Variants in UVRAG observed in about 807,000 individuals in gnomAD.
The protein encoded by UVRAG is UV radiation resistance associated, also known as UV radiation resistance-associated gene protein.
A neutral mutation model predicts 78.0 loss-of-function variants in UVRAG; 19 were observed. The ratio of observed to expected loss-of-function variants is 0.24; its 90% confidence interval spans 0.17 to 0.36. The LOEUF (loss-of-function observed/expected upper bound fraction) is 0.36, where lower values mean the gene tolerates loss of function less well. UVRAG is among the 10% of genes least tolerant of loss of function. The probability of loss-of-function intolerance (pLI) is 1.00; values close to 1 mark genes in which losing one functional copy is unlikely to be tolerated. For missense variants in UVRAG, 740 were observed against 853.8 expected (o/e 0.87, Z 1.66); for synonymous variants, 323 against 324.6 (o/e 1.00, Z 0.05).
chr11:76,140,734 C>CA lies in UVRAG; in HGVS notation c.1423dup (p.Ile475AsnfsTer5). The CA allele has an allele frequency of 6.3e-7, 1 of 1,599,462 alleles. No homozygotes were observed. Among genetic ancestry groups the CA allele is most frequent in the Non-Finnish European group, 8.5e-7 (1 of 1,174,348 alleles). On this transcript the variant is annotated frameshift_variant, in exon 15 of 15. Coordinates refer to ENST00000356136, the MANE Select transcript of UVRAG (RefSeq NM_003369.4). LOFTEE classifies it high-confidence loss of function. Reference sequence around the variant, plus strand: ...AGTGACAGACATCACACCTCCAGTGCAATCCCTGTTCCTAAGAGACAAAGC... The same window carrying CA: ...AGTGACAGACATCACACCTCCAGTGCAAATCCCTGTTCCTAAGAGACAAAGC...
chr11:75,914,515 A>G (rs1241953763), intron 6 of UVRAG: 1 of 151,956 alleles, frequency 6.6e-6, no homozygotes. Context: ...TTTTTTTGAG[A>G]CAGAGTTTCG....
At chr11:76,098,433 C>T (rs1951824214) in intron 13 of UVRAG, among the ~76,000 whole-genome samples, 1 of 152,132 alleles carries the variant, frequency 6.6e-6, no homozygotes, top group South Asian at 2.1e-4. Context: ...AACTCGCAAA[C>T]CTAGATGCCA....
chr11:76,133,459 G>A (rs1952546995), intron 14 of UVRAG, among the ~76,000 whole-genome samples: 2 of 152,300 alleles, frequency 1.3e-5, no homozygotes, highest in Non-Finnish European at 2.9e-5. Context: ...GCTTCAGGCA[G>A]TAAAACCAAG....
At chr11:76,080,891 G>T (rs1360261281) in intron 13 of UVRAG, among the ~76,000 whole-genome samples, 1 of 152,200 alleles carries the variant, frequency 6.6e-6, no homozygotes, top group African/African-American at 2.4e-5. Flanking sequence ...TTCACTTCCT[G>T]ATCAGTGTTG....
chr11:75,821,550 T>C (rs185050172), intron 1 of UVRAG, among the ~76,000 whole-genome samples: 27 of 152,254 alleles, frequency 1.8e-4, no homozygotes, highest in Non-Finnish European at 3.4e-4. Context: ...CTCACTCTGG[T>C]CTCAAACTCT....
intron 12 of UVRAG, among the ~76,000 whole-genome samples, chr11:76,034,408 G>A (rs1347876313): frequency 1.3e-5 from 2 of 151,962 alleles, no homozygotes; most frequent in Non-Finnish European, 2.9e-5. Context: ...TGTGTTGCCC[G>A]GGCTGGTCCT....
intron 8 of UVRAG, among the ~76,000 whole-genome samples, chr11:75,986,288 A>AT (rs1949500029): frequency 6.6e-6 from 1 of 152,172 alleles, no homozygotes; most frequent in East Asian, 1.9e-4. Flanking sequence ...ATTTATTTCT[A>AT]TTTTTTGTTG....
chr11:75,959,450 T>C (rs1159798095), intron 6 of UVRAG, among the ~76,000 whole-genome samples: 1 of 152,192 alleles, frequency 6.6e-6, no homozygotes, highest in Non-Finnish European at 1.5e-5. Flanking sequence ...TAAACCAATC[T>C]CTGCTGTCTT....
intron 8 of UVRAG, among the ~76,000 whole-genome samples, chr11:76,001,412 TTAAC>T (rs1482052570): frequency 1.3e-5 from 2 of 151,928 alleles, no homozygotes; most frequent in African/African-American, 4.8e-5. Flanking sequence ...GAGGAGCAAA[TTAAC>T]TAAACCCAAG....
intron 7 of UVRAG, among the ~76,000 whole-genome samples, chr11:75,964,881 G>T (rs531073596): frequency 5.3e-5 from 8 of 152,162 alleles, no homozygotes; most frequent in Admixed American, 5.2e-4. Context: ...CCATTTAATT[G>T]CCTTGACATG....
intron 12 of UVRAG, among the ~76,000 whole-genome samples, chr11:76,034,958 CT>C (rs1001237013): frequency 6.6e-6 from 1 of 152,022 alleles, no homozygotes; most frequent in South Asian, 2.1e-4. Context: ...GCAACGGAAA[CT>C]TTTTATTATT....
Position 76,143,527 on chromosome 11 carries a change from C to T in UVRAG, c.*2114C>T, listed in dbSNP as rs1952759068. On this transcript the variant is annotated 3_prime_UTR_variant, in exon 15 of 15. Coordinates refer to ENST00000356136, the MANE Select transcript of UVRAG (RefSeq NM_003369.4). ...TGCTCTTGAATGTCATCGGGCTGCTCAGAGCTGATTGCTAGGTGCCTACAC... is the reference window on the plus strand; with the variant it reads ...TGCTCTTGAATGTCATCGGGCTGCTTAGAGCTGATTGCTAGGTGCCTACAC... Among the ~76,000 whole-genome samples, 1 of 152,234 alleles carries T rather than the reference C, an allele frequency of 6.6e-6. No individual in the cohort carries two copies. The highest frequency in any genetic ancestry group is 1.5e-5 in the Non-Finnish European group (1 of 68,032).
intron 12 of UVRAG, among the ~76,000 whole-genome samples, chr11:76,034,476 G>A (rs73496149): frequency 0.078 from 11,853 of 152,200 alleles, 935 homozygotes; most frequent in African/African-American, 0.21. Flanking sequence ...TGGGATTACA[G>A]TCGTGAGCTA....
intron 6 of UVRAG, 128 bp downstream of exon 6, chr11:75,912,167 A>T (rs958629673): frequency 1.5e-6 from 1 of 655,008 alleles, no homozygotes; most frequent in Non-Finnish European, 2.6e-6. Flanking sequence ...TTTTTAGTGC[A>T]AGCGTCATAA....
chr11:76,005,275 G>A (rs1427953556), intron 9 of UVRAG, among the ~76,000 whole-genome samples: 1 of 152,142 alleles, frequency 6.6e-6, no homozygotes, highest in Non-Finnish European at 1.5e-5. Context: ...CCCGGGCGGT[G>A]GAGCTTGCAG....
At chr11:75,950,165 A>G (rs1948663566) in intron 6 of UVRAG, among the ~76,000 whole-genome samples, 1 of 152,094 alleles carries the variant, frequency 6.6e-6, no homozygotes, top group Non-Finnish European at 1.5e-5. Context: ...GTTGATGGAT[A>G]TTTGGATTGT....
Position 76,077,858 on chromosome 11 carries a change from T to G in UVRAG, c.1305+12070T>G, listed in dbSNP as rs555598986. 2.0e-5 allele frequency among the ~76,000 whole-genome samples: 3 copies of G among 152,356 alleles called. No individual in the cohort carries two copies. The South Asian group carries it at 6.2e-4, about 32-fold the overall frequency. On this transcript the variant is annotated intron_variant, in intron 13 of 14. Coordinates refer to ENST00000356136, the MANE Select transcript of UVRAG (RefSeq NM_003369.4). ...GCTCAATATAAATTTAGCACCTTAC[T>G]TGGCTTACCATCTTTGATAACATCT...
At chr11:76,014,877 G>A (rs1042848123) in intron 11 of UVRAG, among the ~76,000 whole-genome samples, 1 of 152,206 alleles carries the variant, frequency 6.6e-6, no homozygotes, top group African/African-American at 2.4e-5. Flanking sequence ...TGATGTACGG[G>A]TTTCAGCAGA....
chr11:76,140,783 A>T lies in UVRAG; in HGVS notation c.1470A>T (p.Val490=). The change falls in exon 15 of 15, where the codon GTA becomes GTT. Residue 490 remains valine (V), a synonymous_variant. Transcript: ENST00000356136. ...RQSSIFGGAD[V]GFSGGIPSPD... Reference sequence around the variant, plus strand: ...GCTCCATATTTGGGGGTGCAGATGTAGGCTTCTCTGGGGGGATCCCTTCAC... The same window carrying T: ...GCTCCATATTTGGGGGTGCAGATGTTGGCTTCTCTGGGGGGATCCCTTCAC... 2 of 1,613,924 alleles carry T rather than the reference A, an allele frequency of 1.2e-6. No homozygotes were observed. The highest frequency in any genetic ancestry group is 1.7e-6 in the Non-Finnish European group (2 of 1,179,916).
Sources: gnomAD v4.1 joint callset for allele counts (sites outside exome capture counted in the v4.1 genomes callset) on GRCh38, gnomAD v4.1.1 for gene constraint, MANE v1.5 for transcripts, NCBI Gene and HGNC (gene_info 2026-07-23, HGNC 2026-07-21) for gene names.